STK10: variants seen among roughly 807,000 people sequenced by gnomAD.
STK10 encodes the protein serine/threonine-protein kinase 10.
A neutral mutation model predicts 113.8 loss-of-function variants in STK10; 78 were observed. The ratio of observed to expected loss-of-function variants is 0.69; its 90% CI spans 0.57 to 0.83. STK10 has a LOEUF of 0.83. Among genes scored for constraint, STK10 ranks in the 40% least tolerant of loss-of-function variants. The probability of loss-of-function intolerance (pLI) is 0.00; values close to 1 mark genes in which losing one functional copy is unlikely to be tolerated. For synonymous variants in STK10, 465 were observed against 494.7 expected, an observed-to-expected ratio of 0.94 and a Z score of 0.80; for missense variants, 1,109 against 1,280.1, an observed-to-expected ratio of 0.87 and a Z score of 2.04.
chr5:172,077,750 GTTTT>G (rs35528776), intron 12 of STK10, among the ~76,000 whole-genome samples: 2 of 146,460 alleles, frequency 1.4e-5, no homozygotes, highest in African/African-American at 5.0e-5. Flanking sequence ...AATCTTATTG[GTTTT>G]TTTTTTTTGG....
At chr5:172,055,279 A>G (rs1030332451) in intron 16 of STK10, among the ~76,000 whole-genome samples, 30 of 151,826 alleles carry the variant, frequency 2.0e-4, no homozygotes, top group African/African-American at 4.1e-4. Flanking sequence ...GGCTCACCGC[A>G]ACCTCTGCCT....
At chr5:172,183,056 A>C (rs887302215) in intron 1 of STK10, among the ~76,000 whole-genome samples, 1 of 152,104 alleles carries the variant, frequency 6.6e-6, no homozygotes, top group East Asian at 1.9e-4. Flanking sequence ...AAAATTTAAA[A>C]ATTAGCCAGG....
chr5:172,177,547 T>C (rs1213796193), intron 1 of STK10, among the ~76,000 whole-genome samples: 1 of 152,230 alleles, frequency 6.6e-6, no homozygotes, highest in Non-Finnish European at 1.5e-5. Context: ...CATGTCACTA[T>C]CGAGCACCTG....
intron 10 of STK10, among the ~76,000 whole-genome samples, chr5:172,089,587 G>A (rs1053009246): frequency 6.6e-6 from 1 of 152,014 alleles, no homozygotes; most frequent in Non-Finnish European, 1.5e-5. Context: ...ATGGATAGAA[G>A]GATAAAATGG....
chr5:172,092,899 C>T (rs547540314), intron 9 of STK10: 10 of 153,118 alleles, frequency 6.5e-5, no homozygotes, highest in African/African-American at 2.4e-4. Flanking sequence ...TTCTCTGAGC[C>T]TCCATCTGCT....
At chr5:172,100,942 A>G (rs917407150) in intron 7 of STK10, among the ~76,000 whole-genome samples, 13 of 151,802 alleles carry the variant, frequency 8.6e-5, no homozygotes, top group African/African-American at 2.9e-4. Flanking sequence ...AAGAGCACAG[A>G]CTCTTGAACC....
At chr5:172,121,652 C>CA (rs1485164350) in intron 3 of STK10, among the ~76,000 whole-genome samples, 2 of 151,998 alleles carry the variant, frequency 1.3e-5, no homozygotes, top group African/African-American at 4.8e-5. Flanking sequence ...ACTAAAAATA[C>CA]AAAATTAGCC....
rs1264014167 is a variant in STK10 at position 172,044,680 on chromosome 5, CCT to C, written c.*200_*201del. On this transcript the variant is annotated 3_prime_UTR_variant, in exon 19 of 19. Transcript: ENST00000176763. The surrounding 1 kb of genome is among the most constrained non-coding windows in gnomAD (Gnocchi z 4.5). ...TAGGTTCAGGTGACAAATAATTACA[CCT>C]CACCCTCCACAGGCCAGCAAGAAGT... is the stretch of plus-strand genomic sequence containing the variant. The C allele has an allele frequency of 2.7e-6, 2 of 735,386 alleles. No homozygotes were observed. The highest frequency in any genetic ancestry group is 4.4e-6 in the Non-Finnish European group (2 of 450,534). 45.6% of individuals were successfully genotyped at this position (735,386 alleles called of 1,614,324 possible).
chr5:172,053,090 C>G (rs1260129650), intron 17 of STK10, 48 bp from the exon 18 acceptor site: 1 of 1,517,560 alleles, frequency 6.6e-7, no homozygotes, highest in Non-Finnish European at 9.1e-7. Context: ...AAGACGCAGG[C>G]CCTGAAGACT....
chr5:172,062,870 A>G lies in STK10; in HGVS notation c.2083-1602T>C, dbSNP rs564966452. On this transcript the variant is annotated intron_variant, in intron 13 of 18. Transcript: ENST00000176763. ...CTTAACGCCACTACACTGTACACTTAATAATGGTAAAGATGGTAAACTTTA... is the reference window on the plus strand; with the variant it reads ...CTTAACGCCACTACACTGTACACTTGATAATGGTAAAGATGGTAAACTTTA... 2.6e-5 allele frequency among the ~76,000 whole-genome samples: 4 copies of G among 152,384 alleles called. No homozygotes were observed. In the South Asian group the frequency reaches 6.2e-4, roughly 24 times the overall value.
chr5:172,079,524 G>A (rs563120270), intron 12 of STK10, among the ~76,000 whole-genome samples: 17 of 151,440 alleles, frequency 1.1e-4, no homozygotes, highest in East Asian at 3.9e-4. Flanking sequence ...TAACAGATCC[G>A]GAAATTAATA....
intron 2 of STK10, among the ~76,000 whole-genome samples, chr5:172,137,195 C>T (rs1296692039): frequency 6.6e-6 from 1 of 152,062 alleles, no homozygotes; most frequent in Non-Finnish European, 1.5e-5. Flanking sequence ...CTAAGAATAC[C>T]TAACCTCTTG....
intron 3 of STK10, among the ~76,000 whole-genome samples, chr5:172,119,694 C>A (rs1280602278): frequency 6.7e-6 from 1 of 149,458 alleles, no homozygotes; most frequent in African/African-American, 2.5e-5. Context: ...GAAACCCCGT[C>A]TCTACTAAAA....
intron 1 of STK10, among the ~76,000 whole-genome samples, chr5:172,160,349 C>T (rs1770446507): frequency 6.6e-6 from 1 of 151,636 alleles, no homozygotes; most frequent in Admixed American, 6.6e-5. Flanking sequence ...GTGGCACATG[C>T]CTGTAATCTC....
At chr5:172,107,073 C>G (rs2113765216) in intron 5 of STK10, 2 of 238,114 alleles carry the variant, frequency 8.4e-6, no homozygotes, top group African/African-American at 2.4e-5. Flanking sequence ...AACACAGAGT[C>G]CTGGGGAGGG....
intron 2 of STK10, among the ~76,000 whole-genome samples, chr5:172,149,368 C>T (rs922189466): frequency 2.0e-5 from 3 of 152,234 alleles, no homozygotes; most frequent in East Asian, 1.9e-4. Flanking sequence ...CCTCCTCCCC[C>T]ACTTTCCCTC....
At position 172,042,411 on chromosome 5, in the gene STK10, C is replaced by T. The variant is rs1767397178; in HGVS notation, c.*2471G>A. ...AAAGCACAGGGGAGCTCTGAGGGCTCAGGCGGCACTGAGCGGGGACGCGGC... is the reference window on the plus strand; with the variant it reads ...AAAGCACAGGGGAGCTCTGAGGGCTTAGGCGGCACTGAGCGGGGACGCGGC... On this transcript the variant is annotated 3_prime_UTR_variant, in exon 19 of 19. Transcript: ENST00000176763. The T allele has an allele frequency of 6.6e-6, 1 of 152,638 alleles. No homozygotes were observed. The highest frequency in any genetic ancestry group is 1.5e-5 in the Non-Finnish European group (1 of 68,066). 9.5% of individuals were successfully genotyped at this position (152,638 alleles called of 1,614,324 possible).
chr5:172,152,049 T>C (rs759040490), intron 2 of STK10, among the ~76,000 whole-genome samples: 1 of 152,244 alleles, frequency 6.6e-6, no homozygotes, highest in Non-Finnish European at 1.5e-5. Context: ...AGGCTTTCTC[T>C]GTCCATCGTG....
intron 7 of STK10, among the ~76,000 whole-genome samples, chr5:172,103,742 G>C (rs1341446118): frequency 6.6e-6 from 1 of 151,796 alleles, no homozygotes; most frequent in Non-Finnish European, 1.5e-5. Flanking sequence ...TTTGCATTCT[G>C]GTTCTTTTCA....
Sources: gnomAD v4.1 joint callset for allele counts (sites outside exome capture counted in the v4.1 genomes callset) on GRCh38, gnomAD v4.1.1 for gene constraint, Gnocchi (gnomAD v3.1) non-coding constraint, MANE v1.5 for transcripts, NCBI Gene and HGNC (gene_info 2026-07-23, HGNC 2026-07-21) for gene names.